The following ZNF704 variants were observed in gnomAD, a reference collection of about 807,000 sequenced individuals.
The protein encoded by ZNF704 is glucocorticoid induced gene 1.
A neutral mutation model predicts 44.7 loss-of-function variants in ZNF704; 10 were observed. The observed-to-expected ratio is 0.22, with a 90% CI of 0.14 to 0.38. The LOEUF is 0.38. ZNF704 is among the 10% of genes least tolerant of loss of function. The pLI, the probability that ZNF704 is intolerant of heterozygous loss-of-function variation, is 1.00. For synonymous variants in ZNF704, 211 were observed against 207.6 expected (o/e 1.02, Z -0.14); for missense variants, 390 against 545.5 (o/e 0.71, Z 2.84).
At chr8:80,763,333 G>C (rs1807162863) in intron 2 of ZNF704, among the ~76,000 whole-genome samples, 1 of 152,214 alleles carries the variant, frequency 6.6e-6, no homozygotes, top group African/African-American at 2.4e-5. Context: ...CAGACATCCA[G>C]GTGTTTTCAT....
intron 2 of ZNF704, among the ~76,000 whole-genome samples, chr8:80,723,796 C>T (rs1806422011): frequency 6.6e-6 from 1 of 152,206 alleles, no homozygotes; most frequent in Non-Finnish European, 1.5e-5. Flanking sequence ...AGTTTGAAGA[C>T]CACCAATCTA....
At chr8:80,824,061 G>A (rs1365106874) in intron 1 of ZNF704, among the ~76,000 whole-genome samples, 2 of 152,214 alleles carry the variant, frequency 1.3e-5, no homozygotes, top group Non-Finnish European at 2.9e-5. Context: ...ACAGAACAAA[G>A]CTGGATGGAG....
At chr8:80,802,425 A>G (rs562809467) in intron 2 of ZNF704, among the ~76,000 whole-genome samples, 13 of 152,364 alleles carry the variant, frequency 8.5e-5, no homozygotes, top group Non-Finnish European at 1.5e-4. Context: ...ATGAACATCA[A>G]TGCAAAGATC....
intron 2 of ZNF704, among the ~76,000 whole-genome samples, chr8:80,774,401 C>T (rs1276348608): frequency 6.6e-6 from 1 of 152,066 alleles, no homozygotes; most frequent in Non-Finnish European, 1.5e-5. Context: ...GCTTTCTTTG[C>T]CATGCCTCTG....
At chr8:80,669,122 T>C in intron 5 of ZNF704, among the ~76,000 whole-genome samples, 1 of 152,110 alleles carries the variant, frequency 6.6e-6, no homozygotes, top group Admixed American at 6.5e-5. Flanking sequence ...TAAATACATA[T>C]AAACAGCATA....
intron 1 of ZNF704, among the ~76,000 whole-genome samples, chr8:80,859,996 C>A (rs1054527659): frequency 6.6e-6 from 1 of 152,210 alleles, no homozygotes; most frequent in Admixed American, 6.5e-5. Flanking sequence ...CTACCCTACA[C>A]GTGCACACAC....
chr8:80,860,959 G>C (rs1243604460), intron 1 of ZNF704, among the ~76,000 whole-genome samples: 2 of 152,106 alleles, frequency 1.3e-5, no homozygotes, highest in East Asian at 3.9e-4. Context: ...ATGGGTGGTG[G>C]GGGGGCAGGA....
chr8:80,643,882 C>T (rs1261118159), intron 7 of ZNF704, among the ~76,000 whole-genome samples: 1 of 152,066 alleles, frequency 6.6e-6, no homozygotes, highest in Non-Finnish European at 1.5e-5. Context: ...AGCTAGTAAG[C>T]GACAATGACA....
chr8:80,649,881 AC>A (rs1817888985), intron 7 of ZNF704, among the ~76,000 whole-genome samples: 1 of 152,066 alleles, frequency 6.6e-6, no homozygotes, highest in Non-Finnish European at 1.5e-5. Flanking sequence ...TGGGTCCATG[AC>A]CCCCGAGTAG....
chr8:80,651,073 A>G (rs150102979), intron 7 of ZNF704, among the ~76,000 whole-genome samples: 7,372 of 152,228 alleles, frequency 0.048, 216 homozygotes, highest in Middle Eastern at 0.092. Context: ...ACTAAGCTTC[A>G]TAAGTGAAGG....
intron 2 of ZNF704, among the ~76,000 whole-genome samples, chr8:80,719,121 A>G (rs1347137318): frequency 1.3e-5 from 2 of 152,026 alleles, no homozygotes; most frequent in African/African-American, 2.4e-5. Context: ...ACGTGCCACC[A>G]TGACCAGCTA....
chr8:80,667,690 CTGAA>C (rs1185495259), intron 5 of ZNF704, among the ~76,000 whole-genome samples: 1 of 152,140 alleles, frequency 6.6e-6, no homozygotes, highest in African/African-American at 2.4e-5. Flanking sequence ...CAAATGTTGC[CTGAA>C]TGAATGAGTG....
intron 2 of ZNF704, among the ~76,000 whole-genome samples, chr8:80,772,961 GT>G (rs1399959096): frequency 1.3e-5 from 2 of 152,006 alleles, no homozygotes; most frequent in African/African-American, 4.8e-5. Flanking sequence ...TTTTCATTTA[GT>G]ATAATGCATT....
chr8:80,835,532 G>T (rs545287474), intron 1 of ZNF704, among the ~76,000 whole-genome samples: 1 of 152,188 alleles, frequency 6.6e-6, no homozygotes, highest in African/African-American at 2.4e-5. Context: ...GGGAGGGGAC[G>T]AGTCAGTTAC....
At chr8:80,852,674 G>A (rs1370398744) in intron 1 of ZNF704, among the ~76,000 whole-genome samples, 1 of 152,196 alleles carries the variant, frequency 6.6e-6, no homozygotes, top group East Asian at 1.9e-4. Flanking sequence ...TTGTCTGGTA[G>A]TAGAGGATTG....
At chr8:80,838,742 G>A (rs545906981) in intron 1 of ZNF704, among the ~76,000 whole-genome samples, 50 of 151,000 alleles carry the variant, frequency 3.3e-4, no homozygotes, top group Non-Finnish European at 6.3e-4. Context: ...TGGAGGAGGA[G>A]GAGGAGGAGG....
chr8:80,875,407 C>T (rs1020190815), upstream of ZNF704, among the ~76,000 whole-genome samples: 1 of 152,058 alleles, frequency 6.6e-6, no homozygotes, highest in Non-Finnish European at 1.5e-5. Flanking sequence ...TGGGTTCAAG[C>T]GATTCTCCTG....
intron 4 of ZNF704, among the ~76,000 whole-genome samples, chr8:80,678,843 G>A (rs1818408295): frequency 6.6e-6 from 1 of 152,132 alleles, no homozygotes; most frequent in Admixed American, 6.5e-5. Context: ...GCATTAACAG[G>A]GCTTCTGGTT....
At chr8:80,862,128 C>T (rs760971614) in intron 1 of ZNF704, among the ~76,000 whole-genome samples, 3 of 150,520 alleles carry the variant, frequency 2.0e-5, no homozygotes, top group East Asian at 1.9e-4. Flanking sequence ...CTCAGCCTCC[C>T]GAGGAGCTGG....
Sources: allele counts gnomAD v4.1 joint callset (sites outside exome capture counted in the v4.1 genomes callset), GRCh38; gene constraint gnomAD v4.1.1; transcripts MANE v1.5; gene names NCBI Gene and HGNC (gene_info 2026-07-23, HGNC 2026-07-21).